MKX: variants seen among roughly 807,000 people sequenced by gnomAD.
MKX encodes the protein mohawk homeobox, also known as homeobox protein Mohawk.
Under a neutral mutation model 36.0 loss-of-function variants are expected in MKX, and 13 were observed. The ratio of observed to expected loss-of-function variants is 0.36; its 90% CI spans 0.24 to 0.57. The LOEUF (loss-of-function observed/expected upper bound fraction) is 0.57, where lower values mean the gene tolerates loss of function less well. Among genes scored for constraint, MKX ranks in the 20% least tolerant of loss-of-function variants. MKX has a pLI of 0.79. For synonymous variants in MKX, 176 were observed against 178.3 expected (o/e 0.99, Z 0.10); for missense variants, 458 against 456.4 (o/e 1.00, Z -0.03).
At position 27,673,405 on chromosome 10, in the gene MKX, CTTATAATAGTAT is replaced by C. The variant is rs757064181; in HGVS notation, c.*1812_*1823del. ...ATTAACATATTTAATACCAGAATAA[CTTATAATAGTAT>C]GAAAAAGAGTGAAGTATTTGTCTTT... is the stretch of plus-strand genomic sequence containing the variant. On this transcript the variant is annotated 3_prime_UTR_variant, in exon 7 of 7. Transcript: ENST00000419761. 1 of 152,464 alleles carries C rather than the reference CTTATAATAGTAT, an allele frequency of 6.6e-6. No individual in the cohort carries two copies. The highest frequency in any genetic ancestry group is 6.6e-5 in the Admixed American group (1 of 15,254). 9.4% of individuals were successfully genotyped at this position (152,464 alleles called of 1,614,324 possible). A position where few individuals can be genotyped will look rare whatever the true frequency, so the allele number is the denominator to read the frequency against.
intron 5 of MKX, among the ~76,000 whole-genome samples, chr10:27,685,811 T>C (rs563815486): frequency 6.6e-6 from 1 of 152,274 alleles, no homozygotes; most frequent in Admixed American, 6.5e-5. Flanking sequence ...TAGCCCTGAG[T>C]GAATAACTGC....
At chr10:27,725,923 A>G (rs1422550391) in intron 5 of MKX, among the ~76,000 whole-genome samples, 1 of 152,170 alleles carries the variant, frequency 6.6e-6, no homozygotes, top group Admixed American at 6.6e-5. Context: ...CCTTTATGCC[A>G]GCTTTGAGTT....
intron 5 of MKX, among the ~76,000 whole-genome samples, chr10:27,687,628 T>A (rs1836380992): frequency 6.6e-6 from 1 of 152,178 alleles, no homozygotes; most frequent in Non-Finnish European, 1.5e-5. Context: ...AAAAGTAGCT[T>A]TTCAGAATAA....
At chr10:27,679,116 T>C (rs537032628) in intron 5 of MKX, among the ~76,000 whole-genome samples, 2 of 150,636 alleles carry the variant, frequency 1.3e-5, no homozygotes, top group South Asian at 4.3e-4. Flanking sequence ...CACCAGGGCC[T>C]GTCGGGAGGT....
intron 4 of MKX, among the ~76,000 whole-genome samples, 167 bp downstream of exon 4, chr10:27,735,054 A>T (rs550896410): frequency 2.0e-5 from 3 of 152,318 alleles, no homozygotes; most frequent in Admixed American, 2.0e-4. Context: ...AATGGCCATC[A>T]TTCCTTTGGT....
At chr10:27,721,738 A>G (rs1220183138) in intron 5 of MKX, among the ~76,000 whole-genome samples, 1 of 152,214 alleles carries the variant, frequency 6.6e-6, no homozygotes. Context: ...ACGTTAACCT[A>G]TGTAACAAAT....
intron 5 of MKX, among the ~76,000 whole-genome samples, chr10:27,726,703 T>G (rs1046414816): frequency 1.1e-5 from 1 of 93,850 alleles, no homozygotes; most frequent in African/African-American, 4.2e-5. Flanking sequence ...TGTTTTCAGC[T>G]TCATTGTTTA....
chr10:27,743,028 C>A (rs963979263), intron 2 of MKX, among the ~76,000 whole-genome samples, 200 bp downstream of exon 2: 1 of 152,214 alleles, frequency 6.6e-6, no homozygotes, highest in Non-Finnish European at 1.5e-5. Context: ...GCTGCCCCGA[C>A]GAATTGATCC....
chr10:27,706,852 GT>G (rs1196912450), intron 5 of MKX, among the ~76,000 whole-genome samples: 1 of 152,164 alleles, frequency 6.6e-6, no homozygotes, highest in African/African-American at 2.4e-5. Context: ...AAGAATCTCT[GT>G]AAGAATATAA....
At chr10:27,683,337 C>T (rs922248068) in intron 5 of MKX, among the ~76,000 whole-genome samples, 6 of 152,238 alleles carry the variant, frequency 3.9e-5, no homozygotes, top group African/African-American at 9.6e-5. Flanking sequence ...ATCTACTGTA[C>T]AGGTTTGTAG....
chr10:27,679,970 C>A (rs961816405), intron 5 of MKX, among the ~76,000 whole-genome samples: 1 of 152,108 alleles, frequency 6.6e-6, no homozygotes, highest in African/African-American at 2.4e-5. Context: ...GGTCCTGACA[C>A]ATCTGTCCAC....
chr10:27,676,668 G>A (rs1836157914), intron 5 of MKX, among the ~76,000 whole-genome samples: 1 of 152,130 alleles, frequency 6.6e-6, no homozygotes, highest in African/African-American at 2.4e-5. Flanking sequence ...GAGCCACCGT[G>A]CCTGGCCAGT....
chr10:27,741,822 G>A lies in MKX; in HGVS notation c.189-318C>T, dbSNP rs1834906287. Reference sequence around the variant, plus strand: ...TCCAGTCGCGTATCTGGGCAGCGGGGCTAACTGCTACCCTTCCCTCACCCG... The same window carrying A: ...TCCAGTCGCGTATCTGGGCAGCGGGACTAACTGCTACCCTTCCCTCACCCG... On this transcript the variant is annotated intron_variant, in intron 2 of 6. Coordinates refer to ENST00000419761, the MANE Select transcript of MKX (RefSeq NM_173576.3). The surrounding 1 kb of genome is among the most constrained non-coding windows in gnomAD (Gnocchi z 5.1). Among the ~76,000 whole-genome samples, 1 of 152,236 alleles carries A rather than the reference G, an allele frequency of 6.6e-6. No individual in the cohort carries two copies. Among genetic ancestry groups the A allele is most frequent in the African/African-American group, 2.4e-5 (1 of 41,470 alleles).
intron 3 of MKX, among the ~76,000 whole-genome samples, chr10:27,738,817 C>T (rs910557393): frequency 1.3e-5 from 2 of 152,056 alleles, no homozygotes; most frequent in Non-Finnish European, 2.9e-5. Flanking sequence ...ACTGAATTAA[C>T]GAACTTCTGA....
chr10:27,678,593 G>C (rs1178522936), intron 5 of MKX, among the ~76,000 whole-genome samples: 1 of 152,154 alleles, frequency 6.6e-6, no homozygotes, highest in Admixed American at 6.5e-5. Context: ...CAAGAAGAAA[G>C]CCTGTGGCTA....
At position 27,741,083 on chromosome 10, in the gene MKX, C is replaced by G. The variant is rs1015306998; in HGVS notation, c.348+262G>C. On this transcript the variant is annotated intron_variant, in intron 3 of 6. Transcript: ENST00000419761. The surrounding 1 kb of genome is among the most constrained non-coding windows in gnomAD (Gnocchi z 5.1). The stretch of plus-strand genomic sequence containing the variant: ...TTAAGCTCTCCAGGCGATTCTGATG[C>G]TCACTAATGTTGAACCTTCTCGTAA... Among the ~76,000 whole-genome samples, 4 of 152,210 alleles carry G rather than the reference C, an allele frequency of 2.6e-5. No homozygotes were observed. The highest frequency in any genetic ancestry group is 9.7e-5 in the African/African-American group (4 of 41,450).
rs754153747 is a variant in MKX, at chr10:27,735,204, T to G, written c.502+17A>C. Reference sequence around the variant, plus strand: ...TAGAGGCAAAACAAAGAAAGCAAAATAAAAATATTAACAAACCTTCAGAAC... The same window carrying G: ...TAGAGGCAAAACAAAGAAAGCAAAAGAAAAATATTAACAAACCTTCAGAAC... On this transcript the variant is annotated intron_variant, in intron 4 of 6. Coordinates refer to ENST00000419761, the MANE Select transcript of MKX (RefSeq NM_173576.3). 39 of 1,524,298 alleles carry G rather than the reference T, an allele frequency of 2.6e-5. No individual in the cohort carries two copies. The highest frequency in any genetic ancestry group is 3.3e-5 in the Non-Finnish European group (38 of 1,136,720). The allele number at this position is 1,524,298 out of a possible 1,614,324, so 94.4% of individuals were successfully genotyped here. A position where few individuals can be genotyped will look rare whatever the true frequency, so the allele number is the denominator to read the frequency against.
At chr10:27,711,541 T>C (rs1836871576) in intron 5 of MKX, among the ~76,000 whole-genome samples, 1 of 138,786 alleles carries the variant, frequency 7.2e-6, no homozygotes, top group Non-Finnish European at 1.6e-5. Context: ...CTTCCTTCCT[T>C]TTTCTTTCTT....
intron 5 of MKX, among the ~76,000 whole-genome samples, chr10:27,682,298 A>T (rs1836268114): frequency 6.6e-6 from 1 of 152,228 alleles, no homozygotes; most frequent in Non-Finnish European, 1.5e-5. Flanking sequence ...ACTTTTTTTA[A>T]AAAGCGTATA....
Sources: allele counts gnomAD v4.1 joint callset (sites outside exome capture counted in the v4.1 genomes callset), GRCh38; gene constraint gnomAD v4.1.1; non-coding constraint Gnocchi (gnomAD v3.1); transcripts MANE v1.5; gene names NCBI Gene and HGNC (gene_info 2026-07-23, HGNC 2026-07-21).